The following ADAMTSL3 variants were observed in gnomAD, a reference collection of about 807,000 sequenced individuals.
ADAMTSL3 encodes ADAMTS like 3.
ADAMTSL3 carries 128 observed loss-of-function variants against 201.7 expected under a neutral mutation model. The ratio of observed to expected loss-of-function variants is 0.63; its 90% confidence interval spans 0.55 to 0.73. The LOEUF (loss-of-function observed/expected upper bound fraction) is 0.73. Among genes scored for constraint, ADAMTSL3 ranks in the 30% least tolerant of loss-of-function variants. ADAMTSL3 has a pLI of 0.00. For missense variants in ADAMTSL3, 1,990 were observed against 2,119.6 expected (o/e 0.94, Z 1.20); for synonymous variants, 738 against 748.4 (o/e 0.99, Z 0.23).
intron 6 of ADAMTSL3, among the ~76,000 whole-genome samples, chr15:83,831,329 A>T (rs1267573444): frequency 6.6e-6 from 1 of 152,144 alleles, no homozygotes; most frequent in African/African-American, 2.4e-5. Flanking sequence ...GTAAGGAATG[A>T]ATAGGCTGAA....
intron 8 of ADAMTSL3, among the ~76,000 whole-genome samples, chr15:83,865,163 A>T (rs1484418616): frequency 6.6e-6 from 1 of 152,220 alleles, no homozygotes; most frequent in Non-Finnish European, 1.5e-5. Context: ...AGGAAGAATC[A>T]GTATCGTGAA....
intron 3 of ADAMTSL3, among the ~76,000 whole-genome samples, chr15:83,737,740 A>G (rs952372686): frequency 6.6e-6 from 1 of 152,214 alleles, no homozygotes; most frequent in African/African-American, 2.4e-5. Flanking sequence ...GAGAGTATCA[A>G]TTGGGATGAA....
intron 17 of ADAMTSL3, 87 bp downstream of exon 17, chr15:83,924,120 T>C (rs2066204596): frequency 6.6e-7 from 1 of 1,513,798 alleles, no homozygotes; most frequent in South Asian, 1.3e-5. Flanking sequence ...TGCAGACTTG[T>C]GGCTTCACCC....
At chr15:83,988,944 T>C (rs926473543) in intron 22 of ADAMTSL3, 126 bp downstream of exon 22, 58 of 490,932 alleles carry the variant, frequency 1.2e-4, no homozygotes, top group Non-Finnish European at 1.4e-4. Context: ...TGCAGTGGCG[T>C]GATCTCGGCT....
At chr15:83,750,431 C>T (rs1393421518) in intron 3 of ADAMTSL3, among the ~76,000 whole-genome samples, 4 of 152,168 alleles carry the variant, frequency 2.6e-5, no homozygotes, top group Non-Finnish European at 4.4e-5. Context: ...AGCTTGGTGT[C>T]ATGCCCATAA....
chr15:83,763,707 C>G lies in ADAMTSL3; in HGVS notation c.190-9816C>G, dbSNP rs10083603. Among the ~76,000 whole-genome samples the G allele has an allele frequency of 9.8e-3, 1,494 of 152,214 alleles. 18 individuals carry two copies. The highest frequency in any genetic ancestry group is 0.024 in the Middle Eastern group (7 of 294). On this transcript the variant is annotated intron_variant, in intron 3 of 29. Transcript: ENST00000286744. The stretch of plus-strand genomic sequence containing the variant: ...TATTTAGTAGAGACGAGGTTTCACC[C>G]TGTTAGCCAGGATGATCTCAATCTC...
intron 6 of ADAMTSL3, among the ~76,000 whole-genome samples, chr15:83,828,705 A>T (rs2064082178): frequency 1.3e-5 from 2 of 152,202 alleles, no homozygotes; most frequent in African/African-American, 2.4e-5. Context: ...CATCCCATCA[A>T]TACCTAATTT....
At chr15:83,800,177 T>G (rs906524229) in intron 4 of ADAMTSL3, among the ~76,000 whole-genome samples, 1 of 152,186 alleles carries the variant, frequency 6.6e-6, no homozygotes, top group African/African-American at 2.4e-5. Flanking sequence ...TCTCCCTGAA[T>G]CTTTATATCC....
chr15:83,674,766 C>CATATATACGCACATATATACATAT (rs1555428954), intron 2 of ADAMTSL3, among the ~76,000 whole-genome samples: 1 of 68,952 alleles, frequency 1.5e-5, no homozygotes, highest in South Asian at 6.5e-4. Flanking sequence ...CACATATATA[C>CATATATACGCACATATATACATAT]ATATATATAT....
Position 84,038,729 on chromosome 15 carries a change from T to C in ADAMTSL3, c.*923T>C, listed in dbSNP as rs772071019. The C allele has an allele frequency of 6.6e-6, 1 of 152,502 alleles. No individual in the cohort carries two copies. Among genetic ancestry groups the C allele is most frequent in the Non-Finnish European group, 1.5e-5 (1 of 68,048 alleles). The allele number at this position is 152,502 out of a possible 1,614,324, so 9.4% of individuals were successfully genotyped here. On this transcript the variant is annotated 3_prime_UTR_variant, in exon 30 of 30. Transcript: ENST00000286744. ...AAACACGATAGTTGAAAATAATTTTTATAGTAAATAATTGTTTTGGGCTGA... is the reference window on the plus strand; with the variant it reads ...AAACACGATAGTTGAAAATAATTTTCATAGTAAATAATTGTTTTGGGCTGA...
At position 84,037,782 on chromosome 15, in the gene ADAMTSL3, C is replaced by T. The variant is rs770009769; in HGVS notation, c.5052C>T (p.Cys1684=). 12 of 1,613,904 alleles carry T rather than the reference C, an allele frequency of 7.4e-6. No homozygotes were observed. In the Admixed American group the frequency reaches 1.2e-4, roughly 16 times the overall value. Residue 1684 remains cysteine (C), a synonymous_variant, in exon 30 of 30, where the codon TGC becomes TGT. Coordinates refer to ENST00000286744, the MANE Select transcript of ADAMTSL3 (RefSeq NM_207517.3). ...LCSLDRYKQR[C]CQSCQEG is the part of the protein sequence containing the mutation. ...CTCTAGACCGCTACAAACAAAGGTG[C>T]TGCCAGTCATGTCAAGAGGGATAAA...
Position 83,704,390 on chromosome 15 carries a change from C to T in ADAMTSL3, c.71C>T (p.Thr24Ile). 1 of 1,614,134 alleles carries T rather than the reference C, an allele frequency of 6.2e-7. No individual in the cohort carries two copies. The highest frequency in any genetic ancestry group is 8.5e-7 in the Non-Finnish European group (1 of 1,180,012). ...MVFMHSPLPQTTAEKSPGAYF... is the reference protein window; with the variant it reads ...MVFMHSPLPQITAEKSPGAYF... ...TGACCAAATGATCTTGTTTTTCAGA[C>T]CACAGCTGAGAAATCTCCTGGAGCC... The change falls in exon 3 of 30, where the codon ACC (threonine) becomes ATC (isoleucine). Residue 24 changes from threonine to isoleucine, a missense_variant and splice_region_variant. Coordinates refer to ENST00000286744, the MANE Select transcript of ADAMTSL3 (RefSeq NM_207517.3).
intron 27 of ADAMTSL3, among the ~76,000 whole-genome samples, chr15:84,030,178 A>T (rs908078774): frequency 2.0e-5 from 3 of 152,142 alleles, no homozygotes; most frequent in East Asian, 1.9e-4. Flanking sequence ...TGAGAAGAGG[A>T]CCACCATCCT....
At chr15:84,002,190 G>A (rs2067802420) in intron 23 of ADAMTSL3, among the ~76,000 whole-genome samples, 1 of 152,140 alleles carries the variant, frequency 6.6e-6, no homozygotes, top group South Asian at 2.1e-4. Context: ...GAATAAGTTA[G>A]CTGGATATGC....
chr15:84,021,166 A>G (rs749165591), intron 25 of ADAMTSL3, among the ~76,000 whole-genome samples: 14 of 152,114 alleles, frequency 9.2e-5, no homozygotes, highest in Non-Finnish European at 1.6e-4. Flanking sequence ...CTGGCCGATG[A>G]TAGTCCCTCT....
At chr15:83,728,182 C>T (rs1379482489) in intron 3 of ADAMTSL3, among the ~76,000 whole-genome samples, 1 of 151,712 alleles carries the variant, frequency 6.6e-6, no homozygotes, top group Non-Finnish European at 1.5e-5. Context: ...GCTACCCCTG[C>T]TCTTTCTTGG....
intron 26 of ADAMTSL3, among the ~76,000 whole-genome samples, chr15:84,023,936 A>C (rs2141918382): frequency 6.6e-6 from 1 of 152,358 alleles, no homozygotes; most frequent in South Asian, 2.1e-4. Context: ...ATTATATTGA[A>C]GTTCACTTAG....
intron 2 of ADAMTSL3, among the ~76,000 whole-genome samples, chr15:83,703,611 C>T (rs1324905303): frequency 6.6e-6 from 1 of 152,104 alleles, no homozygotes; most frequent in Non-Finnish European, 1.5e-5. Flanking sequence ...TCTCTTGTGG[C>T]CGTCATGTCG....
intron 4 of ADAMTSL3, among the ~76,000 whole-genome samples, chr15:83,777,195 A>G (rs1021688090): frequency 3.3e-5 from 5 of 152,204 alleles, no homozygotes; most frequent in African/African-American, 1.2e-4. Flanking sequence ...GCCCACCCCT[A>G]GCTGCACTGC....
Sources: allele counts gnomAD v4.1 joint callset (sites outside exome capture counted in the v4.1 genomes callset), GRCh38; gene constraint gnomAD v4.1.1; transcripts MANE v1.5; gene names NCBI Gene and HGNC (gene_info 2026-07-23, HGNC 2026-07-21).